The following SI variants were observed in gnomAD, a reference collection of about 807,000 sequenced individuals.
SI encodes sucrase-isomaltase, also known as sucrase-isomaltase, intestinal.
In SI, 235 loss-of-function variants were observed where a neutral mutation model predicts 253.3. The ratio of observed to expected loss-of-function variants is 0.93; its 90% CI spans 0.83 to 1.03. The LOEUF is 1.03. SI is among the 50% of genes least tolerant of loss of function. SI has a pLI of 0.00. For missense variants in SI, 2,442 were observed against 2,211.1 expected (o/e 1.10, Z -2.09); for synonymous variants, 819 against 712.0 (o/e 1.15, Z -2.39).
In SI at chr3:165,043,174, A is replaced by G. The variant is rs1712937525; in HGVS notation, c.1889T>C (p.Val630Ala). The change falls in exon 17 of 48, where the codon GTT becomes GCT. Residue 630 changes from valine to alanine, a missense_variant and splice_region_variant. Coordinates refer to ENST00000264382, the MANE Select transcript of SI (RefSeq NM_001041.4). Reference sequence around the variant, plus strand: ...CACAAATCCACAGATGTCTGCTCCAACCTAAATAACAAATATATTTACTAT... The same window carrying G: ...CACAAATCCACAGATGTCTGCTCCAGCCTAAATAACAAATATATTTACTAT... ...LEFSLFGIPL[V>A]GADICGFVAE... The G allele has an allele frequency of 9.4e-6, 15 of 1,593,404 alleles. No individual in the cohort carries two copies. Among genetic ancestry groups the G allele is most frequent in the Non-Finnish European group, 1.2e-5 (14 of 1,162,492 alleles).
intron 35 of SI, among the ~76,000 whole-genome samples, chr3:165,008,881 A>C (rs551928884): frequency 2.0e-5 from 3 of 152,032 alleles, no homozygotes; most frequent in African/African-American, 7.2e-5. Flanking sequence ...CTAACATTTT[A>C]AGATTACATC....
intron 37 of SI, among the ~76,000 whole-genome samples, chr3:165,000,529 A>C (rs1718209246): frequency 6.6e-6 from 1 of 151,514 alleles, no homozygotes; most frequent in Admixed American, 6.6e-5. Context: ...ATAATGTATG[A>C]AAACATCACA....
In SI at chr3:165,041,024, C is replaced by T. The variant is rs1712802236; in HGVS notation, c.2075G>A (p.Arg692His). The part of the protein sequence containing the change: ...VKSSRQYLTI[R>H]YTLLPFLYTL... ...GTAGAGGAAGGGTAATAAGGTGTAG[C>T]GAATAGTTAAATACTGCCTTGATGA... Residue 692 changes from arginine to histidine, a missense_variant, in exon 18 of 48, where the codon CGC becomes CAC. Coordinates refer to ENST00000264382, the MANE Select transcript of SI (RefSeq NM_001041.4). 4.3e-6 allele frequency: 7 copies of T among 1,612,444 alleles called. No individual in the cohort carries two copies. Among genetic ancestry groups the T allele is most frequent in the South Asian group, 2.2e-5 (2 of 91,060 alleles).
At chr3:165,040,661 A>G (rs1168315066) in intron 18 of SI, among the ~76,000 whole-genome samples, 1 of 152,046 alleles carries the variant, frequency 6.6e-6, no homozygotes, top group East Asian at 1.9e-4. Context: ...TGTATTTTTA[A>G]AAATTCTATG....
rs573256083 is a variant in SI at position 165,055,273 on chromosome 3, G to C, written c.1433C>G (p.Thr478Ser). The C allele has an allele frequency of 1.5e-5, 24 of 1,608,398 alleles. No homozygotes were observed. Among genetic ancestry groups the C allele is most frequent in the South Asian group, 2.2e-5 (2 of 90,990 alleles). The stretch of plus-strand genomic sequence containing the variant: ...CCACCAATCAATGCAGTTTGGGTTA[G>C]TGAAATCAGGGTATACTGTTAATCC... Reference protein sequence around the residue: ...WPGLTVYPDFTNPNCIDWWAN... With the variant: ...WPGLTVYPDFSNPNCIDWWAN... Residue 478 changes from threonine (T) to serine (S), a missense_variant, in exon 13 of 48, where the codon ACT becomes AGT. By Grantham distance (58) the Thr-to-Ser change is moderately conservative (BLOSUM62 1). Transcript: ENST00000264382.
At chr3:164,999,298 A>G (rs1392480071) in intron 37 of SI, among the ~76,000 whole-genome samples, 1 of 151,700 alleles carries the variant, frequency 6.6e-6, no homozygotes, top group East Asian at 1.9e-4. Flanking sequence ...GAATTTAATG[A>G]CATGCATGTT....
chr3:165,043,232 G>T, intron 16 of SI, 57 bp from the exon 17 acceptor site: 1 of 1,160,042 alleles, frequency 8.6e-7, no homozygotes, highest in Non-Finnish European at 1.3e-6. Context: ...TTTGCCTAGA[G>T]CATCACACTG....
intron 22 of SI, among the ~76,000 whole-genome samples, chr3:165,034,975 T>C (rs1327757190): frequency 9.9e-5 from 15 of 152,076 alleles, no homozygotes; most frequent in Admixed American, 9.9e-4. Context: ...GGGGAACTGA[T>C]GAGAGGCTTC....
upstream of SI, among the ~76,000 whole-genome samples, chr3:165,079,900 A>G (rs1191287849): frequency 6.6e-6 from 1 of 151,894 alleles, no homozygotes; most frequent in Non-Finnish European, 1.5e-5. Context: ...GATACGCCAT[A>G]TTCATAGACT....
At chr3:165,059,772 A>G in intron 10 of SI, 130 bp downstream of exon 10, 1 of 955,404 alleles carries the variant, frequency 1.0e-6, no homozygotes, top group Non-Finnish European at 1.6e-6. Flanking sequence ...ATACTTTACA[A>G]TTAAAAGGCA....
chr3:165,024,109 T>G (rs1711776477), intron 25 of SI, among the ~76,000 whole-genome samples: 2 of 151,464 alleles, frequency 1.3e-5, no homozygotes, highest in African/African-American at 4.8e-5. Flanking sequence ...CCATGTTTGT[T>G]CTTACTGTTC....
At chr3:165,038,939 T>C (rs1712675402) in intron 20 of SI, 139 bp downstream of exon 20, 6 of 581,770 alleles carry the variant, frequency 1.0e-5, no homozygotes, top group Admixed American at 6.4e-5. Context: ...AAGTCTGAAA[T>C]TATTATTTTT....
chr3:165,065,626 AAC>A (rs1246419264), intron 6 of SI, among the ~76,000 whole-genome samples, 194 bp from the exon 7 acceptor site: 1 of 150,904 alleles, frequency 6.6e-6, no homozygotes, highest in Non-Finnish European at 1.5e-5. Context: ...TCACTGCATC[AAC>A]ACAATTTTTG....
intron 12 of SI, among the ~76,000 whole-genome samples, chr3:165,057,359 T>C: frequency 6.6e-6 from 1 of 151,632 alleles, no homozygotes; most frequent in East Asian, 1.9e-4. Flanking sequence ...GTCTCAAAAG[T>C]GCAAATCTGA....
At chr3:165,081,722 G>A (rs1320806674), upstream of SI, among the ~76,000 whole-genome samples, 2 of 151,978 alleles carry the variant, frequency 1.3e-5, no homozygotes, top group East Asian at 3.9e-4. Context: ...AGAGAAGAAG[G>A]AATGGAAGAA....
intron 9 of SI, among the ~76,000 whole-genome samples, chr3:165,061,538 T>G (rs943871154): frequency 1.3e-5 from 2 of 151,990 alleles, no homozygotes; most frequent in African/African-American, 2.4e-5. Flanking sequence ...TTAAAATTTT[T>G]TATAGTAATC....
Position 165,021,608 on chromosome 3 carries a change from GT to G in SI, c.3100-226del, listed in dbSNP as rs551657638. ...CTGCATTTTTGAACCTTTAAAAAAT[GT>G]TTTGTGATTTGTTTTCTAAATAATA... On this transcript the variant is annotated intron_variant, in intron 26 of 47. Transcript: ENST00000264382. Among the ~76,000 whole-genome samples, 48 of 151,548 alleles carry G rather than the reference GT, an allele frequency of 3.2e-4. No homozygotes were observed. The East Asian group carries it at 9.1e-3, about 29-fold the overall frequency.
At chr3:165,074,495 T>C in intron 3 of SI, 36 bp downstream of exon 3, 2 of 1,394,768 alleles carry the variant, frequency 1.4e-6, no homozygotes, top group Non-Finnish European at 2.0e-6. Context: ...ATAATGTATA[T>C]ATTCATTAAA....
At chr3:165,065,955 T>A (rs1714226598) in intron 6 of SI, among the ~76,000 whole-genome samples, 1 of 151,972 alleles carries the variant, frequency 6.6e-6, no homozygotes, top group African/African-American at 2.4e-5. Context: ...ATGATTTGTA[T>A]GCTTTTATTT....
Sources: allele counts gnomAD v4.1 joint callset (sites outside exome capture counted in the v4.1 genomes callset), GRCh38; gene constraint gnomAD v4.1.1; transcripts MANE v1.5; gene names NCBI Gene and HGNC (gene_info 2026-07-23, HGNC 2026-07-21).